RAB3IP: variants seen among roughly 807,000 people sequenced by gnomAD.
RAB3IP encodes the protein RAB3A interacting protein.
In RAB3IP, 36 loss-of-function variants were observed where a neutral mutation model predicts 59.1. The ratio of observed to expected loss-of-function variants is 0.61; its 90% confidence interval spans 0.47 to 0.80. RAB3IP has a LOEUF of 0.80. Among genes scored for constraint, RAB3IP ranks in the 30% least tolerant of loss-of-function variants. RAB3IP has a pLI of 0.00. For synonymous variants in RAB3IP, 207 were observed against 191.2 expected, an observed-to-expected ratio of 1.08 and a Z score of -0.68; for missense variants, 511 against 536.0, an observed-to-expected ratio of 0.95 and a Z score of 0.46.
chr12:69,781,188 G>GT (rs1874642177), intron 3 of RAB3IP, among the ~76,000 whole-genome samples: 1 of 151,918 alleles, frequency 6.6e-6, no homozygotes, highest in Non-Finnish European at 1.5e-5. Context: ...CATTTTGTCA[G>GT]TTTTATCTCC....
intron 3 of RAB3IP, 132 bp downstream of exon 3, chr12:69,756,795 T>C (rs1870310324): frequency 1.3e-6 from 1 of 743,804 alleles, no homozygotes; most frequent in South Asian, 2.0e-5. Flanking sequence ...CAGCCTCAGC[T>C]CCTGTTAGGC....
At chr12:69,739,942 A>G (rs1020894553) in intron 1 of RAB3IP, 4 of 1,484,050 alleles carry the variant, frequency 2.7e-6, no homozygotes, top group Non-Finnish European at 3.8e-6. Flanking sequence ...TTTCATGGAA[A>G]TGTTGCCTGT....
chr12:69,755,741 T>C, intron 2 of RAB3IP, 82 bp downstream of exon 2: 1 of 1,181,808 alleles, frequency 8.5e-7, no homozygotes, highest in African/African-American at 1.5e-5. Flanking sequence ...TTTTACTATT[T>C]TTAGAAAATT....
At chr12:69,762,769 A>AG (rs1236581576) in intron 3 of RAB3IP, among the ~76,000 whole-genome samples, 4 of 149,126 alleles carry the variant, frequency 2.7e-5, no homozygotes, top group Admixed American at 6.6e-5. Context: ...AAAAAAAAAA[A>AG]AAAAAAAAAA....
Position 69,800,264 on chromosome 12 carries a change from A to C in RAB3IP, c.944A>C (p.Asp315Ala). The change falls in exon 7 of 11, where the codon GAC (aspartate) becomes GCC (alanine). Residue 315 changes from aspartate to alanine, a missense_variant. Coordinates refer to ENST00000247833, the MANE Select transcript of RAB3IP (RefSeq NM_022456.5). ...FRLWKDEPTM[D>A]RTCPFLDKIY... Reference sequence around the variant, plus strand: ...TTGTGGAAGGATGAGCCCACAATGGACAGGACGTGTCCTTTCTTAGACAAA... The same window carrying C: ...TTGTGGAAGGATGAGCCCACAATGGCCAGGACGTGTCCTTTCTTAGACAAA... 3.8e-6 allele frequency: 6 copies of C among 1,598,772 alleles called. No homozygotes were observed. Among genetic ancestry groups the C allele is most frequent in the Non-Finnish European group, 5.1e-6 (6 of 1,172,710 alleles).
rs1266591361 is a variant in RAB3IP, at chr12:69,818,530, C to G, written c.*3084C>G. ...TTGAGAAATGCTTGCACAGGTCCCC[C>G]AGATCACACATATAAGAATGTTCTG... On this transcript the variant is annotated 3_prime_UTR_variant, in exon 11 of 11. Coordinates refer to ENST00000247833, the MANE Select transcript of RAB3IP (RefSeq NM_022456.5). 1 of 151,790 alleles carries G rather than the reference C, an allele frequency of 6.6e-6. No homozygotes were observed. Among genetic ancestry groups the G allele is most frequent in the Non-Finnish European group, 1.5e-5 (1 of 68,020 alleles). 9.4% of individuals were successfully genotyped at this position (151,790 alleles called of 1,614,324 possible).
intron 3 of RAB3IP, among the ~76,000 whole-genome samples, chr12:69,767,506 G>A (rs11495622): frequency 0.078 from 11,860 of 152,220 alleles, 547 homozygotes; most frequent in South Asian, 0.13. Context: ...CAGTGCTGAC[G>A]GTGAATCCAA....
intron 3 of RAB3IP, among the ~76,000 whole-genome samples, chr12:69,757,423 A>G (rs964862453): frequency 2.0e-5 from 3 of 152,220 alleles, no homozygotes; most frequent in African/African-American, 4.8e-5. Flanking sequence ...AAGAAGATTA[A>G]TAAAATTGCA....
At chr12:69,782,901 TATG>T (rs1377394153) in intron 3 of RAB3IP, among the ~76,000 whole-genome samples, 1 of 152,194 alleles carries the variant, frequency 6.6e-6, no homozygotes, top group African/African-American at 2.4e-5. Context: ...CTTACAGGTT[TATG>T]ACTTTGTGGT....
intron 3 of RAB3IP, among the ~76,000 whole-genome samples, chr12:69,772,239 C>T (rs1873244810): frequency 6.6e-6 from 1 of 152,096 alleles, no homozygotes; most frequent in Admixed American, 6.6e-5. Context: ...GCTACTCCTG[C>T]TTTCTCTTGT....
At chr12:69,750,871 T>A (rs1410697826) in intron 1 of RAB3IP, among the ~76,000 whole-genome samples, 1 of 152,178 alleles carries the variant, frequency 6.6e-6, no homozygotes, top group Non-Finnish European at 1.5e-5. Flanking sequence ...TCATTCTGAT[T>A]GATTAACTAT....
intron 1 of RAB3IP, among the ~76,000 whole-genome samples, chr12:69,752,517 C>T (rs984274023): frequency 6.6e-6 from 1 of 151,966 alleles, no homozygotes; most frequent in Non-Finnish European, 1.5e-5. Context: ...TTTGCTATTA[C>T]GAAGAGTGCT....
intron 10 of RAB3IP, among the ~76,000 whole-genome samples, chr12:69,814,234 A>G (rs1880855720): frequency 6.6e-6 from 1 of 152,214 alleles, no homozygotes; most frequent in African/African-American, 2.4e-5. Flanking sequence ...TTGGAAAGAC[A>G]GAAAGATAAT....
intron 1 of RAB3IP, among the ~76,000 whole-genome samples, chr12:69,750,543 GTT>G (rs11304094): frequency 1.1e-3 from 130 of 116,284 alleles, no homozygotes; most frequent in Middle Eastern, 4.4e-3. Context: ...CCTCTACCTC[GTT>G]TTTTTTTTTT....
chr12:69,750,544 T>A (rs930826487), intron 1 of RAB3IP, among the ~76,000 whole-genome samples: 12 of 36,780 alleles, frequency 3.3e-4, no homozygotes, highest in African/African-American at 6.2e-4. Flanking sequence ...CTCTACCTCG[T>A]TTTTTTTTTT....
chr12:69,752,448 A>G (rs557126913), intron 1 of RAB3IP, among the ~76,000 whole-genome samples: 4 of 152,092 alleles, frequency 2.6e-5, no homozygotes, highest in South Asian at 2.1e-4. Context: ...ATGGATATGT[A>G]TTTTACATCT....
intron 3 of RAB3IP, among the ~76,000 whole-genome samples, chr12:69,762,756 C>CAAAAAAAAAAAAAAA (rs11445702): frequency 1.6e-4 from 12 of 76,760 alleles, no homozygotes; most frequent in East Asian, 8.4e-4. Context: ...GACTCCGTCT[C>CAAAAAAAAAAAAAAA]AAAAAAAAAA....
intron 8 of RAB3IP, among the ~76,000 whole-genome samples, chr12:69,803,905 A>G (rs1024196140): frequency 1.3e-5 from 2 of 152,136 alleles, no homozygotes; most frequent in African/African-American, 4.8e-5. Context: ...TCATTGTTGG[A>G]CATTTGGGTT....
intron 10 of RAB3IP, 56 bp from the exon 11 acceptor site, chr12:69,815,308 A>C (rs192152753): frequency 1.6e-4 from 200 of 1,265,822 alleles, no homozygotes; most frequent in Admixed American, 2.5e-4. Flanking sequence ...CGAAACATTA[A>C]AAATAATGAA....
Sources: allele counts gnomAD v4.1 joint callset (sites outside exome capture counted in the v4.1 genomes callset), GRCh38; gene constraint gnomAD v4.1.1; transcripts MANE v1.5; gene names NCBI Gene and HGNC (gene_info 2026-07-23, HGNC 2026-07-21).